OTC: variants seen among roughly 807,000 people sequenced by gnomAD.
The protein encoded by OTC is ornithine transcarbamylase.
A neutral mutation model predicts 30.3 loss-of-function variants in OTC; 3 were observed. The ratio of observed to expected loss-of-function variants is 0.10; its 90% CI spans 0.05 to 0.26. The LOEUF (loss-of-function observed/expected upper bound fraction) is 0.26. Among genes scored for constraint, OTC ranks in the 10% least tolerant of loss-of-function variants. OTC has a pLI of 1.00. For synonymous variants in OTC, 111 were observed against 99.7 expected, an observed-to-expected ratio of 1.11 and a Z score of -0.67; for missense variants, 194 against 260.3, an observed-to-expected ratio of 0.75 and a Z score of 1.75.
At chrX:38,354,189 AC>A (rs2068229980) in intron 1 of OTC, among the ~76,000 whole-genome samples, 1 of 112,440 alleles carries the variant, frequency 8.9e-6, no homozygotes, top group South Asian at 3.6e-4. Flanking sequence ...AGTTGGAGAT[AC>A]GGTGGTAAAT....
upstream of OTC, among the ~76,000 whole-genome samples, chrX:38,348,469 C>A (rs1023447101): frequency 9.0e-6 from 1 of 110,963 alleles, no homozygotes; most frequent in African/African-American, 3.3e-5. Flanking sequence ...GAAAATCCTC[C>A]TTTCTGGGTG....
intron 6 of OTC, among the ~76,000 whole-genome samples, chrX:38,404,772 C>T (rs2068507954): frequency 9.0e-6 from 1 of 110,847 alleles, no homozygotes; most frequent in Admixed American, 9.6e-5. Flanking sequence ...ATGCCATTTA[C>T]AGTGACCAAC....
intron 9 of OTC, among the ~76,000 whole-genome samples, chrX:38,417,706 G>T (rs1178672297): frequency 1.8e-5 from 2 of 112,105 alleles, no homozygotes; most frequent in Non-Finnish European, 3.8e-5. Flanking sequence ...TATAGGCTAG[G>T]AACACATGTA....
chrX:38,329,822 T>C, the OTC span, among the ~76,000 whole-genome samples: 1 of 111,556 alleles, frequency 9.0e-6, no homozygotes, highest in Admixed American at 9.5e-5. Context: ...AATATACCAA[T>C]GGTTACTTGG....
At chrX:38,386,188 C>G (rs1049167192) in intron 4 of OTC, among the ~76,000 whole-genome samples, 1 of 108,509 alleles carries the variant, frequency 9.2e-6, no homozygotes, top group Admixed American at 9.9e-5. Context: ...GCCTGACCAA[C>G]ATGGTGAAAT....
rs772318401 is a variant in OTC at position 38,390,705 on chromosome X, G to T, written c.386+9276G>T. 5.4e-5 allele frequency among the ~76,000 whole-genome samples: 6 copies of T among 112,064 alleles called. No homozygotes were observed. The South Asian group carries it at 2.2e-3, about 42-fold the overall frequency. ...ACTTGCACCATGTTCCAATACTTTA[G>T]GAACAACTGAACTCCTTTTAAGAGC... On this transcript the variant is annotated intron_variant, in intron 4 of 9. Coordinates refer to ENST00000039007, the MANE Select transcript of OTC (RefSeq NM_000531.6).
In OTC at chrX:38,408,756, T is replaced by C; in HGVS notation, c.678T>C (p.Asp226=). The C allele has an allele frequency of 1.7e-6, 2 of 1,201,468 alleles. No individual in the cohort carries two copies. Among genetic ancestry groups the C allele is most frequent in the Non-Finnish European group, 2.3e-6 (2 of 886,009 alleles). Residue 226 remains aspartate, a synonymous_variant, in exon 7 of 10, where the codon GAT becomes GAC. Transcript: ENST00000039007. ...QAATPKGYEP[D]ASVTKLAEQY... is the part of the protein sequence containing the mutation. ...TCCTCCTTTAGGGTTATGAGCCGGATGCTAGTGTAACCAAGTTGGCAGAGC... is the reference window on the plus strand; with the variant it reads ...TCCTCCTTTAGGGTTATGAGCCGGACGCTAGTGTAACCAAGTTGGCAGAGC...
chrX:38,351,608 T>C (rs1313112033), upstream of OTC, among the ~76,000 whole-genome samples: 1 of 112,190 alleles, frequency 8.9e-6, no homozygotes, highest in East Asian at 2.8e-4. Context: ...GATTTCTAAC[T>C]GAGGATAAAT....
At chrX:38,414,171 C>A (rs992767099) in intron 9 of OTC, among the ~76,000 whole-genome samples, 6 of 111,902 alleles carry the variant, frequency 5.4e-5, no homozygotes, top group African/African-American at 1.9e-4. Context: ...TCAAGTAAAT[C>A]CATCAAAGTA....
the OTC span, among the ~76,000 whole-genome samples, chrX:38,337,604 G>A: frequency 1.8e-5 from 2 of 111,784 alleles, no homozygotes; most frequent in Admixed American, 9.5e-5. Context: ...CTCACTGGGA[G>A]CGTTTGCCGT....
chrX:38,336,861 G>A, the OTC span, among the ~76,000 whole-genome samples: 2 of 111,547 alleles, frequency 1.8e-5, no homozygotes, highest in Non-Finnish European at 3.8e-5. Flanking sequence ...CAGAAACAAG[G>A]TAGTTCTCTC....
downstream of OTC, among the ~76,000 whole-genome samples, chrX:38,422,624 A>AT (rs1032941941): frequency 8.9e-6 from 1 of 111,796 alleles, no homozygotes; most frequent in African/African-American, 3.3e-5. Context: ...AAATATAGTC[A>AT]TTTTTTCCTC....
At chrX:38,386,014 G>C (rs1446015658) in intron 4 of OTC, among the ~76,000 whole-genome samples, 1 of 109,930 alleles carries the variant, frequency 9.1e-6, no homozygotes, top group Non-Finnish European at 1.9e-5. Flanking sequence ...TTGAGCCCAG[G>C]AGGCAGAGGT....
At chrX:38,331,896 T>C in the OTC span, among the ~76,000 whole-genome samples, 7,070 of 111,022 alleles carry the variant, frequency 0.064, 211 homozygotes, top group Non-Finnish European at 0.095. Flanking sequence ...ATACTATTGA[T>C]ATATATGATC....
At chrX:38,381,478 A>G in intron 4 of OTC, 49 bp downstream of exon 4, 2 of 808,950 alleles carry the variant, frequency 2.5e-6, no homozygotes, top group Non-Finnish European at 3.8e-6. Flanking sequence ...AATCTGATGG[A>G]TAAATTTCAA....
Position 38,421,214 on chromosome X carries a change from C to T in OTC, c.*132C>T. On this transcript the variant is annotated 3_prime_UTR_variant, in exon 10 of 10. Coordinates refer to ENST00000039007, the MANE Select transcript of OTC (RefSeq NM_000531.6). ...TGGTATGGGTGAACCGTATGATATG[C>T]TTTGCCATTGTGAAACTTTCCTTAA... The T allele has an allele frequency of 3.9e-6, 2 of 509,488 alleles. No homozygotes were observed. Among genetic ancestry groups the T allele is most frequent in the African/African-American group, 4.6e-5 (2 of 43,491 alleles). 42.0% of individuals were successfully genotyped at this position (509,488 alleles called of 1,213,427 possible).
chrX:38,340,459 G>GTTTTTTTTTTTTTTTTTTTTTTTT, the OTC span, among the ~76,000 whole-genome samples: 1 of 60,525 alleles, frequency 1.7e-5, no homozygotes. Flanking sequence ...TTGTTTTTTT[G>GTTTTTTTTTTTTTTTTTTTTTTTT]TTTTTTTTTT....
At chrX:38,360,770 T>A (rs2089857582) in intron 1 of OTC, among the ~76,000 whole-genome samples, 2 of 112,420 alleles carry the variant, frequency 1.8e-5, no homozygotes, top group Admixed American at 9.4e-5. Flanking sequence ...GGCATATTAA[T>A]TATGAGTAAT....
intron 1 of OTC, among the ~76,000 whole-genome samples, chrX:38,363,137 C>T (rs1017085720): frequency 1.8e-5 from 2 of 111,512 alleles, no homozygotes; most frequent in African/African-American, 6.5e-5. Context: ...GAACTCAAGA[C>T]AAAAAATTGA....
Sources: allele counts gnomAD v4.1 joint callset (sites outside exome capture counted in the v4.1 genomes callset), GRCh38; gene constraint gnomAD v4.1.1; transcripts MANE v1.5; gene names NCBI Gene and HGNC (gene_info 2026-07-23, HGNC 2026-07-21).